The following GABBR1 variants were observed in gnomAD, a reference collection of about 807,000 sequenced individuals.
The protein encoded by GABBR1 is gamma-aminobutyric acid type B receptor subunit 1.
In GABBR1, 35 loss-of-function variants were observed where a neutral mutation model predicts 117.7. The ratio of observed to expected loss-of-function variants is 0.30; its 90% CI spans 0.23 to 0.39. The LOEUF is 0.39. GABBR1 is among the 10% of genes least tolerant of loss of function. GABBR1 has a pLI of 1.00. For missense variants in GABBR1, 709 were observed against 1,241.8 expected, an observed-to-expected ratio of 0.57 and a Z score of 6.45; for synonymous variants, 442 against 486.6, an observed-to-expected ratio of 0.91 and a Z score of 1.21.
chr6:29,610,275 G>C (rs29256), intron 14 of GABBR1, among the ~76,000 whole-genome samples: 8,361 of 151,996 alleles, frequency 0.055, 339 homozygotes, highest in South Asian at 0.14. Context: ...AAGAATAACT[G>C]CTTGCTTTCT....
rs538310727 is a variant in GABBR1, at chr6:29,627,234, C to A, written c.657+252G>T. On this transcript the variant is annotated intron_variant, in intron 6 of 22. Coordinates refer to ENST00000377034, the MANE Select transcript of GABBR1 (RefSeq NM_001470.4). This position sits in a 1 kb window ranked among gnomAD's most constrained non-coding sequence, Gnocchi z 4.4. ...AACCCCGACACTTCTGCGAGACTCC[C>A]GCAGCGGGGCAGAAGGGTCTGCCTT... Among the ~76,000 whole-genome samples, 3 of 152,308 alleles carry A rather than the reference C, an allele frequency of 2.0e-5. No homozygotes were observed. The highest frequency in any genetic ancestry group is 7.2e-5 in the African/African-American group (3 of 41,568).
At position 29,605,006 on chromosome 6, in the gene GABBR1, T is replaced by C. The variant is rs781323467; in HGVS notation, c.2440-18A>G. On this transcript the variant is annotated intron_variant, in intron 20 of 22. Transcript: ENST00000377034. The surrounding 1 kb of genome is among the most constrained non-coding windows in gnomAD (Gnocchi z 4.2). ...CACAGGACCTAGAGGGAAAGACACA[T>C]TGAGGGAGTCTCAGGTCTGCAGGCT... 6.9e-6 allele frequency: 11 copies of C among 1,601,260 alleles called. No homozygotes were observed. Among genetic ancestry groups the C allele is most frequent in the African/African-American group, 4.0e-5 (3 of 74,516 alleles).
At position 29,604,394 on chromosome 6, in the gene GABBR1, C is replaced by T. The variant is rs1443473957; in HGVS notation, c.2712+100G>A. 2 of 1,467,010 alleles carry T rather than the reference C, an allele frequency of 1.4e-6. No individual in the cohort carries two copies. Among genetic ancestry groups the T allele is most frequent in the African/African-American group, 1.4e-5 (1 of 72,246 alleles). The allele number at this position is 1,467,010 out of a possible 1,614,324, so 90.9% of individuals were successfully genotyped here. A position where few individuals can be genotyped will look rare whatever the true frequency, so the allele number is the denominator to read the frequency against. On this transcript the variant is annotated intron_variant, in intron 22 of 22. Coordinates refer to ENST00000377034, the MANE Select transcript of GABBR1 (RefSeq NM_001470.4). This position sits in a 1 kb window ranked among gnomAD's most constrained non-coding sequence, Gnocchi z 5.3. The stretch of plus-strand genomic sequence containing the variant: ...GGACCCTCCCTCCATGAGCCAAGAA[C>T]ATCTGACCCTGTATCTCAGGCTTGG...
At position 29,630,312 on chromosome 6, in the gene GABBR1, G is replaced by A. The variant is rs1764825691; in HGVS notation, c.475+146C>T. 3 of 679,416 alleles carry A rather than the reference G, an allele frequency of 4.4e-6. No homozygotes were observed. Among genetic ancestry groups the A allele is most frequent in the Non-Finnish European group, 4.9e-6 (2 of 410,070 alleles). 42.1% of individuals were successfully genotyped at this position (679,416 alleles called of 1,614,324 possible). ...GAGGAAGTTTGAGGCAGGTGATGGA[G>A]GAAAAAGGGACTTTCATCTCCCCTT... On this transcript the variant is annotated intron_variant, in intron 4 of 22. Coordinates refer to ENST00000377034, the MANE Select transcript of GABBR1 (RefSeq NM_001470.4). The surrounding 1 kb of genome is among the most constrained non-coding windows in gnomAD (Gnocchi z 4.9).
Position 29,631,261 on chromosome 6 carries a change from A to G in GABBR1, c.289+135T>C. The stretch of plus-strand genomic sequence containing the variant: ...GCACAGAGCAAAATTGCTCTTATGT[A>G]GTAGTCATTCAATAAATGTATTTGT... On this transcript the variant is annotated intron_variant, in intron 3 of 22. Transcript: ENST00000377034. The surrounding 1 kb of genome is among the most constrained non-coding windows in gnomAD (Gnocchi z 5.9). 2 of 893,312 alleles carry G rather than the reference A, an allele frequency of 2.2e-6. No homozygotes were observed. Among genetic ancestry groups the G allele is most frequent in the Non-Finnish European group, 3.5e-6 (2 of 569,896 alleles). The allele number at this position is 893,312 out of a possible 1,614,324, so 55.3% of individuals were successfully genotyped here. A position where few individuals can be genotyped will look rare whatever the true frequency, so the allele number is the denominator to read the frequency against.
chr6:29,607,262 A>G lies in GABBR1; in HGVS notation c.1993-44T>C. On this transcript the variant is annotated intron_variant, in intron 16 of 22. Transcript: ENST00000377034. The surrounding 1 kb of genome is among the most constrained non-coding windows in gnomAD (Gnocchi z 5.0). ...CACAGGCAGAACAGGGTAGAGTAGT[A>G]GCCGGGACTGCAGTAAGGATGGGCA... 1 of 1,493,368 alleles carries G rather than the reference A, an allele frequency of 6.7e-7. No homozygotes were observed. The highest frequency in any genetic ancestry group is 9.3e-7 in the Non-Finnish European group (1 of 1,072,244). 92.5% of individuals were successfully genotyped at this position (1,493,368 alleles called of 1,614,324 possible). A position where few individuals can be genotyped will look rare whatever the true frequency, so the allele number is the denominator to read the frequency against.
At position 29,627,468 on chromosome 6, in the gene GABBR1, C is replaced by T. The variant is rs755240554; in HGVS notation, c.657+18G>A. ...CCGCAAGCCCCCACCTCCCACCCAC[C>T]CCCATGTCCAGGGCTACCTTGCTGT... is the stretch of plus-strand genomic sequence containing the variant. On this transcript the variant is annotated intron_variant, in intron 6 of 22. Transcript: ENST00000377034. This position sits in a 1 kb window ranked among gnomAD's most constrained non-coding sequence, Gnocchi z 4.4. 5.7e-6 allele frequency: 9 copies of T among 1,570,716 alleles called. No individual in the cohort carries two copies. The highest frequency in any genetic ancestry group is 1.7e-4 in the Middle Eastern group (1 of 5,862).
In GABBR1 at chr6:29,632,321, G is replaced by T; in HGVS notation, c.65C>A (p.Thr22Asn). 7.3e-7 allele frequency: 1 copy of T among 1,378,722 alleles called. No homozygotes were observed. Among genetic ancestry groups the T allele is most frequent in the Non-Finnish European group, 9.4e-7 (1 of 1,063,928 alleles). The allele number at this position is 1,378,722 out of a possible 1,614,324, so 85.4% of individuals were successfully genotyped here. Residue 22 changes from threonine to asparagine, a missense_variant, in exon 2 of 23, where the codon ACC (threonine) becomes AAC (asparagine). Physicochemically the swap from Thr to Asn is moderately conservative, Grantham distance 65. Coordinates refer to ENST00000377034, the MANE Select transcript of GABBR1 (RefSeq NM_001470.4). The surrounding 1 kb of genome is among the most constrained non-coding windows in gnomAD (Gnocchi z 5.8). ...TGCACCTTCTGAGGTGGCGTTGGGG[G>T]TCTGCGCCCCGCCCGCGCCCGGGGG... ...LRPPGAGGAQTPNATSEGCQI... is the reference protein window; with the variant it reads ...LRPPGAGGAQNPNATSEGCQI...
rs1201662787 is a variant in GABBR1 at position 29,604,847 on chromosome 6, G to A, written c.2568+13C>T. 1.1e-5 allele frequency: 18 copies of A among 1,610,390 alleles called. No homozygotes were observed. The highest frequency in any genetic ancestry group is 1.4e-5 in the Non-Finnish European group (17 of 1,178,660). On this transcript the variant is annotated intron_variant, in intron 21 of 22. Transcript: ENST00000377034. The surrounding 1 kb of genome is among the most constrained non-coding windows in gnomAD (Gnocchi z 5.3). ...TGGGAACAAAGAGGGTGGGAGAAAA[G>A]CCAGATCCTTACCTTGGGCACAAAG... is the stretch of plus-strand genomic sequence containing the variant.
rs759260378 is a variant in GABBR1, at chr6:29,604,554, C to T, written c.2652G>A (p.Glu884=). 9 of 1,613,322 alleles carry T rather than the reference C, an allele frequency of 5.6e-6. No individual in the cohort carries two copies. The highest frequency in any genetic ancestry group is 7.6e-6 in the Non-Finnish European group (9 of 1,180,034). The change falls in exon 22 of 23, where the codon GAG becomes GAA. Residue 884 remains glutamate, a synonymous_variant. Transcript: ENST00000377034. The surrounding 1 kb of genome is among the most constrained non-coding windows in gnomAD (Gnocchi z 5.3). ...TCTCCAACAGCCGGGACTTCTCCTC[C>T]TCGTTGTTGTTGGTCGATGACCCTG... ...MKTGSSTNNN[E]EEKSRLLEKE...
Position 29,625,418 on chromosome 6 carries a change from G to A in GABBR1, c.658-1394C>T, listed in dbSNP as rs114387892. Among the ~76,000 whole-genome samples, 1,153 of 152,198 alleles carry A rather than the reference G, an allele frequency of 7.6e-3. 9 individuals are homozygous for A. Among genetic ancestry groups the A allele is most frequent in the African/African-American group, 0.025 (1,019 of 41,496 alleles). ...TATAAGATACATATCAACAGGGCAAGGCATGCCCCCCATTTTGTTTCCTGA... is the reference window on the plus strand; with the variant it reads ...TATAAGATACATATCAACAGGGCAAAGCATGCCCCCCATTTTGTTTCCTGA... On this transcript the variant is annotated intron_variant, in intron 6 of 22. Coordinates refer to ENST00000377034, the MANE Select transcript of GABBR1 (RefSeq NM_001470.4).
chr6:29,629,574 T>C (rs943557081), intron 4 of GABBR1, among the ~76,000 whole-genome samples: 1 of 152,174 alleles, frequency 6.6e-6, no homozygotes, highest in Non-Finnish European at 1.5e-5. Context: ...CCTTGAAGTC[T>C]AAGTTTCAGT....
Position 29,623,592 on chromosome 6 carries a change from A to C in GABBR1, c.793-117T>G, listed in dbSNP as rs56069330. The stretch of plus-strand genomic sequence containing the variant: ...GGTTTCTCTTCCTTACTCTCTCCAA[A>C]CCTCCCCACCTCTGGTCTGCCTAAG... On this transcript the variant is annotated intron_variant, in intron 7 of 22. Transcript: ENST00000377034. This position sits in a 1 kb window ranked among gnomAD's most constrained non-coding sequence, Gnocchi z 6.2. 3 of 977,874 alleles carry C rather than the reference A, an allele frequency of 3.1e-6. No homozygotes were observed. Among genetic ancestry groups the C allele is most frequent in the Non-Finnish European group, 4.5e-6 (3 of 667,038 alleles). 60.6% of individuals were successfully genotyped at this position (977,874 alleles called of 1,614,324 possible).
Position 29,604,402 on chromosome 6 carries a change from C to T in GABBR1, c.2712+92G>A. 6.6e-7 allele frequency: 1 copy of T among 1,508,736 alleles called. No individual in the cohort carries two copies. Among genetic ancestry groups the T allele is most frequent in the Non-Finnish European group, 9.2e-7 (1 of 1,089,168 alleles). The allele number at this position is 1,508,736 out of a possible 1,614,324, so 93.5% of individuals were successfully genotyped here. Reference sequence around the variant, plus strand: ...CCTCCATGAGCCAAGAACATCTGACCCTGTATCTCAGGCTTGGCTTCAGAC... The same window carrying T: ...CCTCCATGAGCCAAGAACATCTGACTCTGTATCTCAGGCTTGGCTTCAGAC... On this transcript the variant is annotated intron_variant, in intron 22 of 22. Transcript: ENST00000377034. The surrounding 1 kb of genome is among the most constrained non-coding windows in gnomAD (Gnocchi z 5.3).
Position 29,621,821 on chromosome 6 carries a change from C to A in GABBR1, c.1066-4G>T. 6.2e-7 allele frequency: 1 copy of A among 1,614,186 alleles called. No homozygotes were observed. The highest frequency in any genetic ancestry group is 8.5e-7 in the Non-Finnish European group (1 of 1,180,026). ...CGATGATTCGGGCATCCTGGCGCTA[C>A]AACAGAGAAAGAAACAGCTCCTGAG... On this transcript the variant is annotated splice_region_variant and splice_polypyrimidine_tract_variant and intron_variant, in intron 9 of 22. Transcript: ENST00000377034. The surrounding 1 kb of genome is among the most constrained non-coding windows in gnomAD (Gnocchi z 5.0).
Position 29,627,758 on chromosome 6 carries a change from A to G in GABBR1, c.497-112T>C. ...ATCACAACCAGAAGCGGCAGTGGCC[A>G]CCCCACCCGGGCAAAAGGGGCCCCG... On this transcript the variant is annotated intron_variant, in intron 5 of 22. Coordinates refer to ENST00000377034, the MANE Select transcript of GABBR1 (RefSeq NM_001470.4). The surrounding 1 kb of genome is among the most constrained non-coding windows in gnomAD (Gnocchi z 4.4). 6.7e-7 allele frequency: 1 copy of G among 1,481,710 alleles called. No individual in the cohort carries two copies. Among genetic ancestry groups the G allele is most frequent in the Non-Finnish European group, 8.9e-7 (1 of 1,121,486 alleles). 91.8% of individuals were successfully genotyped at this position (1,481,710 alleles called of 1,614,324 possible). A position where few individuals can be genotyped will look rare whatever the true frequency, so the allele number is the denominator to read the frequency against.
rs2127405302 is a variant in GABBR1, at chr6:29,611,167, A to T, written c.1631-166T>A. The T allele has an allele frequency of 1.7e-6, 1 of 575,996 alleles. No homozygotes were observed. The highest frequency in any genetic ancestry group is 2.3e-5 in the South Asian group (1 of 43,204). The allele number at this position is 575,996 out of a possible 1,614,324, so 35.7% of individuals were successfully genotyped here. A position where few individuals can be genotyped will look rare whatever the true frequency, so the allele number is the denominator to read the frequency against. On this transcript the variant is annotated intron_variant, in intron 13 of 22. Transcript: ENST00000377034. The surrounding 1 kb of genome is among the most constrained non-coding windows in gnomAD (Gnocchi z 4.6). ...GACCTACGAGACTCTTGAATCAGCAACATGACTTAAAAGCAATATAAGGTG... is the reference window on the plus strand; with the variant it reads ...GACCTACGAGACTCTTGAATCAGCATCATGACTTAAAAGCAATATAAGGTG...
chr6:29,607,334 G>C lies in GABBR1; in HGVS notation c.1993-116C>G. Reference sequence around the variant, plus strand: ...AGGGAGCACGGGCAGGGAGCTCATGGTGGCACAGGGAGGATGCGAAAATGT... The same window carrying C: ...AGGGAGCACGGGCAGGGAGCTCATGCTGGCACAGGGAGGATGCGAAAATGT... On this transcript the variant is annotated intron_variant, in intron 16 of 22. Transcript: ENST00000377034. This position sits in a 1 kb window ranked among gnomAD's most constrained non-coding sequence, Gnocchi z 5.0. 1 of 792,616 alleles carries C rather than the reference G, an allele frequency of 1.3e-6. No individual in the cohort carries two copies. The highest frequency in any genetic ancestry group is 2.5e-5 in the East Asian group (1 of 39,734). 49.1% of individuals were successfully genotyped at this position (792,616 alleles called of 1,614,324 possible). A position where few individuals can be genotyped will look rare whatever the true frequency, so the allele number is the denominator to read the frequency against.
rs1331757548 is a variant in GABBR1, at chr6:29,632,723, A to C, written c.-1+127T>G. The stretch of plus-strand genomic sequence containing the variant: ...GGCCGCCTCAGCGCTCCCCGATTCC[A>C]TCCCCGCGGTTCCTCCTCTCCCCCA... On this transcript the variant is annotated intron_variant, in intron 1 of 22. Transcript: ENST00000377034. The surrounding 1 kb of genome is among the most constrained non-coding windows in gnomAD (Gnocchi z 5.8). The C allele has an allele frequency of 8.0e-7, 1 of 1,248,216 alleles. No individual in the cohort carries two copies. The allele number at this position is 1,248,216 out of a possible 1,614,324, so 77.3% of individuals were successfully genotyped here.
Sources: allele counts gnomAD v4.1 joint callset (sites outside exome capture counted in the v4.1 genomes callset), GRCh38; gene constraint gnomAD v4.1.1; non-coding constraint Gnocchi (gnomAD v3.1); transcripts MANE v1.5; gene names NCBI Gene and HGNC (gene_info 2026-07-23, HGNC 2026-07-21).